Variants in PTPRN2 observed in about 807,000 individuals in gnomAD.
The protein encoded by PTPRN2 is receptor-type tyrosine-protein phosphatase N2.
In PTPRN2, 74 loss-of-function variants were observed where a neutral mutation model predicts 118.8. That is an observed-to-expected ratio of 0.62 (90% CI 0.52 to 0.76). PTPRN2 has a LOEUF of 0.76. Among genes scored for constraint, PTPRN2 ranks in the 30% least tolerant of loss-of-function variants. The pLI is 0.00. For missense variants in PTPRN2, 1,481 were observed against 1,394.4 expected (o/e 1.06, Z -0.99); for synonymous variants, 641 against 608.0 (o/e 1.05, Z -0.80).
chr7:157,745,538 T>A (rs1235519624), intron 12 of PTPRN2, among the ~76,000 whole-genome samples: 1 of 151,884 alleles, frequency 6.6e-6, no homozygotes, highest in Non-Finnish European at 1.5e-5. Flanking sequence ...CCTCCGACAA[T>A]GCTCACCTCT....
rs1278198189 is a variant in PTPRN2, at chr7:157,794,195, ATCACACCTCCGACCCGGGC to A, written c.1788+104459_1788+104477del. On this transcript the variant is annotated intron_variant, in intron 12 of 22. Coordinates refer to ENST00000389418, the MANE Select transcript of PTPRN2 (RefSeq NM_002847.5). The surrounding 1 kb of genome is among the most constrained non-coding windows in gnomAD (Gnocchi z 5.2). ...TCCTCGTTCTCTGCCCTGACCCGGG[ATCACACCTCCGACCCGGGC>A]TCACACCTCCCCTCGTTCTCTGCTC... 3.8e-4 allele frequency among the ~76,000 whole-genome samples: 41 copies of A among 106,866 alleles called. 1 individual carries two copies. Among genetic ancestry groups the A allele is most frequent in the African/African-American group, 5.2e-4 (12 of 23,070 alleles). 70.1% of individuals were successfully genotyped at this position (106,866 alleles called of 152,430 possible).
chr7:157,815,201 C>T (rs754820065), intron 12 of PTPRN2, among the ~76,000 whole-genome samples: 14 of 152,236 alleles, frequency 9.2e-5, no homozygotes, highest in Non-Finnish European at 1.6e-4. Flanking sequence ...CTGCTGTGGG[C>T]AGGCGCTGGG....
chr7:157,705,254 C>T (rs888711749), intron 12 of PTPRN2, among the ~76,000 whole-genome samples: 12 of 152,126 alleles, frequency 7.9e-5, no homozygotes, highest in African/African-American at 1.9e-4. Flanking sequence ...TGCAGTGAGC[C>T]GAGATTGTAC....
chr7:157,679,055 G>A (rs531411754), intron 13 of PTPRN2, among the ~76,000 whole-genome samples: 34 of 152,044 alleles, frequency 2.2e-4, no homozygotes, highest in African/African-American at 8.0e-4. Context: ...ATTCTTCCAT[G>A]TCTTCACATT....
At chr7:157,901,886 C>A (rs898304125) in intron 11 of PTPRN2, among the ~76,000 whole-genome samples, 3 of 144,330 alleles carry the variant, frequency 2.1e-5, no homozygotes, top group Non-Finnish European at 4.5e-5. Flanking sequence ...TGAGGCGGGG[C>A]CTTCCCGTCC....
At chr7:158,224,984 T>G (rs145212749) in intron 3 of PTPRN2, among the ~76,000 whole-genome samples, 10 of 152,068 alleles carry the variant, frequency 6.6e-5, no homozygotes, top group Non-Finnish European at 1.3e-4. Flanking sequence ...CATCATCTCA[T>G]CAGGGAAATG....
intron 2 of PTPRN2, among the ~76,000 whole-genome samples, chr7:158,347,117 T>G (rs1807571086): frequency 6.6e-6 from 1 of 152,100 alleles, no homozygotes; most frequent in East Asian, 1.9e-4. Context: ...TAATCCCATT[T>G]GTTTATTTTT....
intron 2 of PTPRN2, among the ~76,000 whole-genome samples, chr7:158,428,016 C>T (rs866446893): frequency 3.3e-5 from 5 of 150,022 alleles, no homozygotes; most frequent in African/African-American, 9.9e-5. Context: ...ACGCAGAGTC[C>T]GAGACCAGCC....
chr7:157,739,137 G>T (rs1171694872), intron 12 of PTPRN2: 1 of 152,184 alleles, frequency 6.6e-6, no homozygotes, highest in Non-Finnish European at 1.5e-5. Context: ...CAGACATGAA[G>T]AGCCACAGCC....
At chr7:158,365,864 C>CACACACATT (rs1809434996) in intron 2 of PTPRN2, among the ~76,000 whole-genome samples, 1 of 42,146 alleles carries the variant, frequency 2.4e-5, no homozygotes, top group Non-Finnish European at 5.7e-5. Context: ...ACACACACAG[C>CACACACATT]ATCCCTGGGA....
intron 2 of PTPRN2, among the ~76,000 whole-genome samples, chr7:158,350,584 C>T (rs967553607): frequency 6.6e-6 from 1 of 152,168 alleles, no homozygotes; most frequent in East Asian, 1.9e-4. Context: ...ACATTTGTCC[C>T]CATCACCCCA....
At chr7:158,315,484 T>G (rs1802239302) in intron 3 of PTPRN2, among the ~76,000 whole-genome samples, 1 of 140,510 alleles carries the variant, frequency 7.1e-6, no homozygotes, top group Admixed American at 7.1e-5. Flanking sequence ...AGGATAGAGG[T>G]GAACCCGGGA....
At chr7:157,624,353 G>A (rs748771414) in intron 14 of PTPRN2, among the ~76,000 whole-genome samples, 36 of 152,066 alleles carry the variant, frequency 2.4e-4, no homozygotes, top group East Asian at 5.8e-4. Flanking sequence ...CCTGGGAAGC[G>A]GATGTTGCAG....
At chr7:157,749,018 G>A in intron 12 of PTPRN2, among the ~76,000 whole-genome samples, 1 of 92,682 alleles carries the variant, frequency 1.1e-5, no homozygotes, top group African/African-American at 4.8e-5. Flanking sequence ...CTGCGTCCCT[G>A]AGCTGTGGGC....
chr7:157,540,667 C>T lies in PTPRN2; in HGVS notation c.*47G>A. ...ATTAAAGTCAGATCATGATTCCTGA[C>T]AACATCCGTGGGGTGGGGGCTCCCC... On this transcript the variant is annotated 3_prime_UTR_variant, in exon 23 of 23. Coordinates refer to ENST00000389418, the MANE Select transcript of PTPRN2 (RefSeq NM_002847.5). The T allele has an allele frequency of 7.0e-7, 1 of 1,436,112 alleles. No individual in the cohort carries two copies. Among genetic ancestry groups the T allele is most frequent in the Admixed American group, 2.0e-5 (1 of 48,806 alleles). The allele number at this position is 1,436,112 out of a possible 1,614,324, so 89.0% of individuals were successfully genotyped here.
chr7:158,566,622 T>C (rs1311320285), intron 1 of PTPRN2, among the ~76,000 whole-genome samples: 3 of 152,254 alleles, frequency 2.0e-5, no homozygotes, highest in Non-Finnish European at 4.4e-5. Flanking sequence ...AAGGTCTCCA[T>C]CCTGGATCTT....
chr7:158,023,845 TGCAG>T lies in PTPRN2; in HGVS notation c.1723+57449_1723+57452del, dbSNP rs528768613. Among the ~76,000 whole-genome samples the T allele has an allele frequency of 3.0e-3, 454 of 150,378 alleles. 3 individuals are homozygous for T. Among genetic ancestry groups the T allele is most frequent in the Non-Finnish European group, 5.7e-3 (386 of 67,510 alleles). On this transcript the variant is annotated intron_variant, in intron 11 of 22. Coordinates refer to ENST00000389418, the MANE Select transcript of PTPRN2 (RefSeq NM_002847.5). ...GCACACACATGCAGGCACACACACG[TGCAG>T]GCAAACACATAGGGCCTGGCACAGA...
intron 2 of PTPRN2, among the ~76,000 whole-genome samples, chr7:158,424,356 C>T (rs958428058): frequency 6.6e-6 from 1 of 152,208 alleles, no homozygotes. Flanking sequence ...CAAAGCGAGG[C>T]GTTTTCAGAA....
chr7:158,477,753 C>T (rs1040760624), intron 2 of PTPRN2, among the ~76,000 whole-genome samples: 1 of 152,248 alleles, frequency 6.6e-6, no homozygotes. Flanking sequence ...TCCAAGGCAG[C>T]ATCACCCACC....
Sources: gnomAD v4.1 joint callset for allele counts (sites outside exome capture counted in the v4.1 genomes callset) on GRCh38, gnomAD v4.1.1 for gene constraint, Gnocchi (gnomAD v3.1) non-coding constraint, MANE v1.5 for transcripts, NCBI Gene and HGNC (gene_info 2026-07-23, HGNC 2026-07-21) for gene names.